The following NFKBIA variants were observed in gnomAD, a reference collection of about 807,000 sequenced individuals.
NFKBIA encodes the protein NF-kappa-B inhibitor alpha.
A neutral mutation model predicts 36.3 loss-of-function variants in NFKBIA; 10 were observed. The ratio of observed to expected loss-of-function variants is 0.28; its 90% CI spans 0.17 to 0.47. The LOEUF (loss-of-function observed/expected upper bound fraction) is 0.47. Among genes scored for constraint, NFKBIA ranks in the 20% least tolerant of loss-of-function variants. The probability of loss-of-function intolerance (pLI) is 0.99; values close to 1 mark genes in which losing one functional copy is unlikely to be tolerated. For synonymous variants in NFKBIA, 205 were observed against 164.4 expected, an observed-to-expected ratio of 1.25 and a Z score of -1.89; for missense variants, 355 against 399.3, an observed-to-expected ratio of 0.89 and a Z score of 0.94.
rs2138830514 is a variant in NFKBIA at position 35,402,486 on chromosome 14, G to A, written c.814C>T (p.Leu272=). The change falls in exon 5 of 6, where the codon CTG becomes TTG. Residue 272 remains leucine (L), a synonymous_variant. Coordinates refer to ENST00000216797, the MANE Select transcript of NFKBIA (RefSeq NM_020529.3). ...STRIQQQLGQ[L]TLENLQMLPE... is the part of the protein sequence containing the mutation. ...AGCATCTGAAGGTTTTCTAGTGTCAGCTGGCCCAGCTGCTGCTGTATCCGG... is the reference window on the plus strand; with the variant it reads ...AGCATCTGAAGGTTTTCTAGTGTCAACTGGCCCAGCTGCTGCTGTATCCGG... The A allele has an allele frequency of 6.2e-7, 1 of 1,614,198 alleles. No homozygotes were observed. Among genetic ancestry groups the A allele is most frequent in the South Asian group, 1.1e-5 (1 of 91,086 alleles).
intron 1 of NFKBIA, 45 bp downstream of exon 1, chr14:35,404,373 T>TTC: frequency 1.2e-6 from 1 of 803,534 alleles, no homozygotes; most frequent in Non-Finnish European, 1.8e-6. Flanking sequence ...GCCGCGCGCG[T>TTC]CCCGCCCTCC....
chr14:35,402,949 C>A, intron 3 of NFKBIA, 90 bp from the exon 4 acceptor site: 2 of 1,392,580 alleles, frequency 1.4e-6, no homozygotes, highest in East Asian at 2.4e-5. Context: ...GTCTTATCTT[C>A]TGAATTTTAA....
chr14:35,402,403 T>G lies in NFKBIA; in HGVS notation c.897A>C (p.Thr299=), dbSNP rs1310430180. The change falls in exon 5 of 6, where the codon ACA becomes ACC. Residue 299 remains threonine, a synonymous_variant. Coordinates refer to ENST00000216797, the MANE Select transcript of NFKBIA (RefSeq NM_020529.3). ...GAGTTCACAGACTCACCTCGTCCTC[T>G]GTGAACTCCGTGAACTCTGACTCTG... ...YDTESEFTEF[T]EDELPYDDCV... is the part of the protein sequence containing the mutation. 4 of 1,614,082 alleles carry G rather than the reference T, an allele frequency of 2.5e-6. No individual in the cohort carries two copies. In the Admixed American group the frequency reaches 6.7e-5, roughly 27 times the overall value.
intron 2 of NFKBIA, 66 bp downstream of exon 2, chr14:35,403,624 G>A: frequency 1.7e-6 from 2 of 1,150,316 alleles, no homozygotes; most frequent in Non-Finnish European, 2.6e-6. Context: ...AAAGGATCTG[G>A]GGTGACTCTG....
Position 35,403,786 on chromosome 14 carries a change from C to T in NFKBIA, c.240G>A (p.Leu80=), listed in dbSNP as rs2138832918. ...GTGCCTTTTCTTCATGGATGATGGC[C>T]AAGTGCAGGAACCTGTGGGGAAGAG... ...LTEDGDSFLH[L]AIIHEEKALT... Residue 80 remains leucine (L), a synonymous_variant, in exon 2 of 6, where the codon TTG becomes TTA. Transcript: ENST00000216797. 2 of 1,613,518 alleles carry T rather than the reference C, an allele frequency of 1.2e-6. No homozygotes were observed. The highest frequency in any genetic ancestry group is 1.7e-6 in the Non-Finnish European group (2 of 1,179,702).
intron 1 of NFKBIA, chr14:35,404,205 C>T (rs1210449719): frequency 3.1e-6 from 1 of 321,926 alleles, no homozygotes; most frequent in Non-Finnish European, 5.6e-6. Flanking sequence ...CCACCAGGGC[C>T]CAGCCGCCGC....
At position 35,404,745 on chromosome 14, in the gene NFKBIA, G is replaced by C; in HGVS notation, c.-101C>G. The C allele has an allele frequency of 1.3e-6, 1 of 744,686 alleles. No individual in the cohort carries two copies. The highest frequency in any genetic ancestry group is 4.5e-5 in the South Asian group (1 of 22,106). 46.1% of individuals were successfully genotyped at this position (744,686 alleles called of 1,614,324 possible). On this transcript the variant is annotated 5_prime_UTR_variant, in exon 1 of 6. Coordinates refer to ENST00000216797, the MANE Select transcript of NFKBIA (RefSeq NM_020529.3). ...GGCGGGCGGGACGGCGGCACGGACTGCTGTGGGCTCTGCAGCGCCGCCGCG... is the reference window on the plus strand; with the variant it reads ...GGCGGGCGGGACGGCGGCACGGACTCCTGTGGGCTCTGCAGCGCCGCCGCG...
Position 35,401,951 on chromosome 14 carries a change from G to C in NFKBIA, c.*62C>G. 4 of 1,587,706 alleles carry C rather than the reference G, an allele frequency of 2.5e-6. No individual in the cohort carries two copies. Among genetic ancestry groups the C allele is most frequent in the Non-Finnish European group, 3.5e-6 (4 of 1,159,388 alleles). ...TTTTTTCTTCTTTTTTCTTTTTTTAGAAAAATAAAACTTTTTTTTTGTACA... is the reference window on the plus strand; with the variant it reads ...TTTTTTCTTCTTTTTTCTTTTTTTACAAAAATAAAACTTTTTTTTTGTACA... On this transcript the variant is annotated 3_prime_UTR_variant, in exon 6 of 6. Transcript: ENST00000216797.
At chr14:35,402,134 CA>C (rs1313197724) in intron 5 of NFKBIA, 74 bp from the exon 6 acceptor site, 5 of 1,559,260 alleles carry the variant, frequency 3.2e-6, no homozygotes, top group Non-Finnish European at 4.4e-6. Context: ...ATGGGGAGGC[CA>C]CTACTGGAAA....
In NFKBIA at chr14:35,403,700, T is replaced by C. The variant is rs150221265; in HGVS notation, c.326A>G (p.Asn109Ser). ...GDLAFLNFQNNLQQTPLHLAV... is the reference protein window; with the variant it reads ...GDLAFLNFQNSLQQTPLHLAV... The stretch of plus-strand genomic sequence containing the variant: ...AGGCAAGCGGCGCACCTGCTGCAGG[T>C]TGTTCTGGAAGTTGAGGAAGGCCAG... Residue 109 changes from asparagine (N) to serine (S), a missense_variant, in exon 2 of 6, where the codon AAC (asparagine) becomes AGC (serine). Coordinates refer to ENST00000216797, the MANE Select transcript of NFKBIA (RefSeq NM_020529.3). 42 of 1,612,384 alleles carry C rather than the reference T, an allele frequency of 2.6e-5. No homozygotes were observed. Among genetic ancestry groups the C allele is most frequent in the Non-Finnish European group, 3.0e-5 (35 of 1,178,982 alleles).
intron 3 of NFKBIA, 60 bp downstream of exon 3, chr14:35,403,090 C>A: frequency 6.4e-7 from 1 of 1,572,570 alleles, no homozygotes; most frequent in Non-Finnish European, 8.7e-7. Flanking sequence ...GGCCCACCTG[C>A]CCCTTCTCCA....
rs2052739904 is a variant in NFKBIA at position 35,402,604 on chromosome 14, C to G, written c.696G>C (p.Leu232=). The change falls in exon 5 of 6, where the codon CTG becomes CTC. Residue 232 remains leucine (L), a synonymous_variant. Coordinates refer to ENST00000216797, the MANE Select transcript of NFKBIA (RefSeq NM_020529.3). ...CCCCACACTTCAACAGGAGTGACACCAGGTCAGGATTTTGCAGGTCCACTG... is the reference window on the plus strand; with the variant it reads ...CCCCACACTTCAACAGGAGTGACACGAGGTCAGGATTTTGCAGGTCCACTG... The part of the protein sequence containing the change: ...HLAVDLQNPD[L]VSLLLKCGAD... The G allele has an allele frequency of 1.2e-6, 2 of 1,614,106 alleles. No individual in the cohort carries two copies. The highest frequency in any genetic ancestry group is 1.7e-6 in the Non-Finnish European group (2 of 1,180,044).
chr14:35,402,840 T>TA lies in NFKBIA; in HGVS notation c.566dup (p.Leu189PhefsTer20). The TA allele has an allele frequency of 6.2e-7, 1 of 1,614,186 alleles. No individual in the cohort carries two copies. The highest frequency in any genetic ancestry group is 8.5e-7 in the Non-Finnish European group (1 of 1,180,038). The stretch of plus-strand genomic sequence containing the variant: ...TGCCCAGGTAGCCATGGATAGAGGC[T>TA]AAGTGTAGACACGTGTGGCCTGGAA... On this transcript the variant is annotated frameshift_variant, in exon 4 of 6. Coordinates refer to ENST00000216797, the MANE Select transcript of NFKBIA (RefSeq NM_020529.3). LOFTEE classifies it high-confidence loss of function.
chr14:35,403,829 G>C (rs189701309), intron 1 of NFKBIA, 31 bp from the exon 2 acceptor site: 1 of 1,537,510 alleles, frequency 6.5e-7, no homozygotes, highest in Non-Finnish European at 9.0e-7. Context: ...AACCCCAGGG[G>C]TGGTGAGTGC....
chr14:35,402,552 C>G lies in NFKBIA; in HGVS notation c.748G>C (p.Gly250Arg), dbSNP rs770472070. 6.2e-7 allele frequency: 1 copy of G among 1,614,172 alleles called. No individual in the cohort carries two copies. The highest frequency in any genetic ancestry group is 8.5e-7 in the Non-Finnish European group (1 of 1,180,044). ...GADVNRVTYQGYSPYQLTWGR... is the reference protein window; with the variant it reads ...GADVNRVTYQRYSPYQLTWGR... Reference sequence around the variant, plus strand: ...CAGGTGAGCTGGTAGGGAGAATAGCCCTGGTAGGTAACTCTGTTGACATCA... The same window carrying G: ...CAGGTGAGCTGGTAGGGAGAATAGCGCTGGTAGGTAACTCTGTTGACATCA... Residue 250 changes from glycine (G) to arginine (R), a missense_variant, in exon 5 of 6, where the codon GGC becomes CGC. Coordinates refer to ENST00000216797, the MANE Select transcript of NFKBIA (RefSeq NM_020529.3).
chr14:35,404,373 T>C (rs2138833871), intron 1 of NFKBIA, 45 bp downstream of exon 1: 1 of 803,528 alleles, frequency 1.2e-6, no homozygotes, highest in Non-Finnish European at 1.8e-6. Context: ...GCCGCGCGCG[T>C]CCCGCCCTCC....
rs917978066 is a variant in NFKBIA, at chr14:35,404,085, G to A, written c.228-287C>T. 1.3e-5 allele frequency: 6 copies of A among 458,380 alleles called. No individual in the cohort carries two copies. In the East Asian group the frequency reaches 2.7e-4, roughly 21 times the overall value. The allele number at this position is 458,380 out of a possible 1,614,324, so 28.4% of individuals were successfully genotyped here. ...GCTGCTCGGCGCCCGCCAGCGGCCA[G>A]AAACTCCCGCCCCGCCTTATGCAAC... is the stretch of plus-strand genomic sequence containing the variant. On this transcript the variant is annotated intron_variant, in intron 1 of 5. Coordinates refer to ENST00000216797, the MANE Select transcript of NFKBIA (RefSeq NM_020529.3).
intron 1 of NFKBIA, 42 bp downstream of exon 1, chr14:35,404,366 GCGCGCGTCCC>G: frequency 4.2e-5 from 19 of 447,536 alleles, no homozygotes; most frequent in Non-Finnish European, 6.5e-5. Context: ...CCCCCAGGCC[GCGCGCGTCCC>G]GCCCTCCCGA....
At chr14:35,404,335 C>T in intron 1 of NFKBIA, 83 bp downstream of exon 1, 1 of 1,076,026 alleles carries the variant, frequency 9.3e-7, no homozygotes, top group South Asian at 2.0e-5. Context: ...CCGGCTCGGG[C>T]TCCAGGCCCG....
Sources: gnomAD v4.1 joint callset for allele counts on GRCh38, gnomAD v4.1.1 for gene constraint, MANE v1.5 for transcripts, NCBI Gene and HGNC (gene_info 2026-07-23, HGNC 2026-07-21) for gene names.